CMTM8: variants seen among roughly 807,000 people sequenced by gnomAD.
The protein encoded by CMTM8 is CKLF-like MARVEL transmembrane domain-containing protein 8.
A neutral mutation model predicts 18.6 loss-of-function variants in CMTM8; 12 were observed. The observed-to-expected ratio is 0.65, with a 90% CI of 0.41 to 1.05. CMTM8 has a LOEUF of 1.05. CMTM8 is among the 50% of genes least tolerant of loss of function. CMTM8 has a pLI of 0.00. For missense variants in CMTM8, 217 were observed against 227.2 expected (o/e 0.95, Z 0.29); for synonymous variants, 87 against 90.6 (o/e 0.96, Z 0.23).
intron 1 of CMTM8, among the ~76,000 whole-genome samples, chr3:32,319,074 A>ATATATATGTATTTTTTTT: frequency 6.3e-5 from 2 of 31,530 alleles, no homozygotes; most frequent in Non-Finnish European, 1.0e-4. Flanking sequence ...ATATATATAT[A>ATATATATGTATTTTTTTT]TTTTTTTTTT....
intron 1 of CMTM8, among the ~76,000 whole-genome samples, chr3:32,319,074 A>ATATATATATATATATAT: frequency 3.2e-5 from 1 of 31,530 alleles, no homozygotes; most frequent in Non-Finnish European, 5.1e-5. Context: ...ATATATATAT[A>ATATATATATATATATAT]TTTTTTTTTT....
intron 1 of CMTM8, among the ~76,000 whole-genome samples, chr3:32,284,939 T>C (rs972748655): frequency 4.6e-5 from 7 of 152,134 alleles, no homozygotes; most frequent in African/African-American, 1.7e-4. Flanking sequence ...GCTTTCCTTG[T>C]AAGGGGGAAA....
intron 2 of CMTM8, among the ~76,000 whole-genome samples, chr3:32,360,134 G>A (rs1004182050): frequency 1.3e-5 from 2 of 152,224 alleles, no homozygotes; most frequent in Non-Finnish European, 2.9e-5. Context: ...CAGTCAGGTT[G>A]TACAAGTGAG....
At chr3:32,341,601 G>A (rs374707751) in intron 1 of CMTM8, among the ~76,000 whole-genome samples, 42 of 152,334 alleles carry the variant, frequency 2.8e-4, no homozygotes, top group Non-Finnish European at 4.4e-4. Flanking sequence ...TTGAGGCCAG[G>A]TGTGGTGGCT....
chr3:32,258,600 C>T (rs1049757384), intron 1 of CMTM8, among the ~76,000 whole-genome samples: 5 of 152,104 alleles, frequency 3.3e-5, no homozygotes, highest in African/African-American at 1.2e-4. Flanking sequence ...GCCTCGACCT[C>T]CCAGGCTCAA....
At chr3:32,292,214 C>T (rs964582183) in intron 1 of CMTM8, among the ~76,000 whole-genome samples, 1 of 152,202 alleles carries the variant, frequency 6.6e-6, no homozygotes, top group African/African-American at 2.4e-5. Flanking sequence ...ATTCAATCCA[C>T]GCCACCTTGG....
At chr3:32,262,702 G>A (rs1202844265) in intron 1 of CMTM8, among the ~76,000 whole-genome samples, 1 of 152,206 alleles carries the variant, frequency 6.6e-6, no homozygotes, top group Non-Finnish European at 1.5e-5. Context: ...GATAAAGTGA[G>A]CAAAAATACA....
At chr3:32,270,937 T>C (rs1240034806) in intron 1 of CMTM8, among the ~76,000 whole-genome samples, 1 of 152,192 alleles carries the variant, frequency 6.6e-6, no homozygotes, top group African/African-American at 2.4e-5. Context: ...TTAGACATTA[T>C]TTTTCCAAAT....
intron 1 of CMTM8, among the ~76,000 whole-genome samples, chr3:32,239,659 C>A (rs1355012367): frequency 6.6e-6 from 1 of 152,192 alleles, no homozygotes; most frequent in African/African-American, 2.4e-5. Context: ...GTGCTGTGCA[C>A]ATCCTGGTTT....
At chr3:32,278,202 C>T (rs925887832) in intron 1 of CMTM8, among the ~76,000 whole-genome samples, 5 of 152,180 alleles carry the variant, frequency 3.3e-5, no homozygotes, top group African/African-American at 1.2e-4. Flanking sequence ...GTATCATTTC[C>T]TCTGGCATCC....
intron 2 of CMTM8, 87 bp from the exon 3 acceptor site, chr3:32,367,785 C>T: frequency 1.2e-6 from 1 of 860,076 alleles, no homozygotes; most frequent in Non-Finnish European, 1.9e-6. Flanking sequence ...CTCCCCACAC[C>T]AGAGGTACAG....
chr3:32,258,215 C>G (rs965058061), intron 1 of CMTM8, among the ~76,000 whole-genome samples: 5 of 152,116 alleles, frequency 3.3e-5, no homozygotes, highest in Admixed American at 6.5e-5. Flanking sequence ...AAGAAACTCC[C>G]TTGCTTATCA....
intron 1 of CMTM8, among the ~76,000 whole-genome samples, chr3:32,356,071 A>T (rs569640334): frequency 6.6e-6 from 1 of 152,314 alleles, no homozygotes; most frequent in East Asian, 1.9e-4. Context: ...TACAAGCAGG[A>T]TATGTACAAT....
At chr3:32,326,812 A>G (rs1015436602) in intron 1 of CMTM8, among the ~76,000 whole-genome samples, 9 of 152,086 alleles carry the variant, frequency 5.9e-5, no homozygotes, top group East Asian at 3.9e-4. Context: ...CACCAGGCAC[A>G]GTCAGTCTGG....
chr3:32,368,334 T>C (rs1697083651), intron 3 of CMTM8, among the ~76,000 whole-genome samples: 1 of 152,198 alleles, frequency 6.6e-6, no homozygotes, highest in Non-Finnish European at 1.5e-5. Context: ...TAATTCCATT[T>C]AGTTTTTTTT....
At chr3:32,258,390 A>C (rs191151673) in intron 1 of CMTM8, among the ~76,000 whole-genome samples, 1 of 152,202 alleles carries the variant, frequency 6.6e-6, no homozygotes, top group Non-Finnish European at 1.5e-5. Context: ...GAAGTTCAGT[A>C]GTTTTGTTAT....
chr3:32,320,193 T>TTA (rs1696016061), intron 1 of CMTM8, among the ~76,000 whole-genome samples: 1 of 152,242 alleles, frequency 6.6e-6, no homozygotes, highest in Non-Finnish European at 1.5e-5. Flanking sequence ...TTTTGCAGCA[T>TTA]TATTTACAAT....
chr3:32,268,611 A>G (rs1484366931), intron 1 of CMTM8, among the ~76,000 whole-genome samples: 2 of 151,904 alleles, frequency 1.3e-5, no homozygotes, highest in Non-Finnish European at 2.9e-5. Flanking sequence ...AAATACAGAG[A>G]CCTGCTTATT....
intron 1 of CMTM8, among the ~76,000 whole-genome samples, chr3:32,284,178 G>A (rs543186603): frequency 4.6e-5 from 7 of 152,332 alleles, no homozygotes; most frequent in Admixed American, 3.3e-4. Flanking sequence ...ATTTGAGCCC[G>A]GGAGGCAGAG....
Sources: allele counts gnomAD v4.1 joint callset (sites outside exome capture counted in the v4.1 genomes callset), GRCh38; gene constraint gnomAD v4.1.1; transcripts MANE v1.5; gene names NCBI Gene and HGNC (gene_info 2026-07-23, HGNC 2026-07-21).